Variants in SHISA6 observed in about 807,000 individuals in gnomAD.
The protein encoded by SHISA6 is protein shisa-6.
SHISA6 carries 22 observed loss-of-function variants against 47.9 expected under a neutral mutation model. That is an observed-to-expected ratio of 0.46 (90% CI 0.33 to 0.66). The LOEUF (loss-of-function observed/expected upper bound fraction) is 0.66. Among genes scored for constraint, SHISA6 ranks in the 30% least tolerant of loss-of-function variants. SHISA6 has a pLI of 0.02. For synonymous variants in SHISA6, 388 were observed against 337.8 expected (o/e 1.15, Z -1.63); for missense variants, 680 against 764.6 (o/e 0.89, Z 1.30).
chr17:11,259,783 C>A (rs1166123814), intron 1 of SHISA6, among the ~76,000 whole-genome samples: 1 of 152,194 alleles, frequency 6.6e-6, no homozygotes. Flanking sequence ...TTAGCTGACC[C>A]AGCTGGAGGG....
At chr17:11,466,984 G>A (rs1324383393) in intron 3 of SHISA6, among the ~76,000 whole-genome samples, 1 of 152,166 alleles carries the variant, frequency 6.6e-6, no homozygotes, top group Non-Finnish European at 1.5e-5. Context: ...CCTAAACTGA[G>A]TGCTGTGGCT....
intron 2 of SHISA6, among the ~76,000 whole-genome samples, chr17:11,300,656 T>G (rs540634389): frequency 4.9e-4 from 75 of 151,980 alleles, no homozygotes; most frequent in Non-Finnish European, 8.7e-4. Flanking sequence ...GTTTAGGACT[T>G]TTTTTTCTTT....
Position 11,472,254 on chromosome 17 carries a change from T to C in SHISA6, c.896-79642T>C, listed in dbSNP as rs1049075999. The stretch of plus-strand genomic sequence containing the variant: ...TTTAAGCTTCTTCCATGTCTTTTCA[T>C]AGCACAATCATAGCTTACCACGGCC... On this transcript the variant is annotated intron_variant, in intron 3 of 5. Coordinates refer to ENST00000441885, the MANE Select transcript of SHISA6 (RefSeq NM_207386.4). Among the ~76,000 whole-genome samples the C allele has an allele frequency of 4.6e-5, 7 of 152,314 alleles. No individual in the cohort carries two copies. In the South Asian group the frequency reaches 1.2e-3, roughly 27 times the overall value.
chr17:11,254,898 C>A (rs1414517606), intron 1 of SHISA6, among the ~76,000 whole-genome samples: 2 of 152,208 alleles, frequency 1.3e-5, no homozygotes. Context: ...GCTGTCCACC[C>A]AGAAATGGGG....
At chr17:11,528,212 T>A (rs554225880) in intron 3 of SHISA6, among the ~76,000 whole-genome samples, 1 of 152,142 alleles carries the variant, frequency 6.6e-6, no homozygotes, top group Non-Finnish European at 1.5e-5. Flanking sequence ...ATAAATTTTA[T>A]TATTAAAAAT....
intron 2 of SHISA6, among the ~76,000 whole-genome samples, chr17:11,319,089 TTTTC>T (rs1910622398): frequency 2.9e-5 from 4 of 139,298 alleles, no homozygotes; most frequent in African/African-American, 8.6e-5. Context: ...TTTTTTTTTT[TTTTC>T]CTTGAGATGG....
chr17:11,270,051 C>T (rs1197796649), intron 2 of SHISA6, among the ~76,000 whole-genome samples: 3 of 152,188 alleles, frequency 2.0e-5, no homozygotes, highest in Non-Finnish European at 4.4e-5. Flanking sequence ...TCTCAGCTCA[C>T]TGCAACCTCC....
At chr17:11,346,044 G>A (rs181200331) in intron 2 of SHISA6, among the ~76,000 whole-genome samples, 43 of 152,188 alleles carry the variant, frequency 2.8e-4, no homozygotes, top group Middle Eastern at 3.4e-3. Flanking sequence ...CTGGGAGAAA[G>A]CATTCAGTTT....
In SHISA6 at chr17:11,429,478, C is replaced by T. The variant is rs2908954; in HGVS notation, c.895+49969C>T. Reference sequence around the variant, plus strand: ...TCCATCTGTCCAATTGAACTTTTTACCCATTAAAATTCAAATATCCGGCCA... The same window carrying T: ...TCCATCTGTCCAATTGAACTTTTTATCCATTAAAATTCAAATATCCGGCCA... On this transcript the variant is annotated intron_variant, in intron 3 of 5. Coordinates refer to ENST00000441885, the MANE Select transcript of SHISA6 (RefSeq NM_207386.4). Among the ~76,000 whole-genome samples, 4 of 151,988 alleles carry T rather than the reference C, an allele frequency of 2.6e-5. No homozygotes were observed. The East Asian group carries it at 7.8e-4, about 29-fold the overall frequency.
At chr17:11,353,596 G>C (rs1412816199) in intron 2 of SHISA6, among the ~76,000 whole-genome samples, 3 of 152,074 alleles carry the variant, frequency 2.0e-5, no homozygotes, top group African/African-American at 4.8e-5. Flanking sequence ...ATTGAGCCCA[G>C]TGTGGCTCAC....
chr17:11,535,404 G>A (rs540262963), intron 3 of SHISA6, among the ~76,000 whole-genome samples: 1 of 152,320 alleles, frequency 6.6e-6, no homozygotes, highest in East Asian at 1.9e-4. Context: ...AGGAAAAGAA[G>A]GGCTACAATG....
chr17:11,422,653 G>A (rs1352753031), intron 3 of SHISA6, among the ~76,000 whole-genome samples: 2 of 151,794 alleles, frequency 1.3e-5, no homozygotes, highest in Admixed American at 1.3e-4. Context: ...TCCCAGCTAC[G>A]CAAGAGGCTA....
At chr17:11,248,078 G>C (rs1198139005) in intron 1 of SHISA6, among the ~76,000 whole-genome samples, 2 of 151,910 alleles carry the variant, frequency 1.3e-5, no homozygotes. Flanking sequence ...CTGGCCTCTA[G>C]TGTCTTTCTT....
At chr17:11,336,718 C>T (rs1417087225) in intron 2 of SHISA6, among the ~76,000 whole-genome samples, 5 of 152,234 alleles carry the variant, frequency 3.3e-5, no homozygotes, top group Admixed American at 6.5e-5. Flanking sequence ...TGAGAAACAT[C>T]GTGCAATTAA....
chr17:11,515,210 TACA>T (rs2071572625), intron 3 of SHISA6, among the ~76,000 whole-genome samples: 1 of 129,632 alleles, frequency 7.7e-6, no homozygotes, highest in African/African-American at 3.0e-5. Context: ...ACAACTGCAC[TACA>T]GTCTGGGTGA....
chr17:11,347,599 G>A (rs1201947406), intron 2 of SHISA6, among the ~76,000 whole-genome samples: 1 of 152,168 alleles, frequency 6.6e-6, no homozygotes, highest in African/African-American at 2.4e-5. Flanking sequence ...TAAGCAACTT[G>A]CCTAAGGTCA....
In SHISA6 at chr17:11,562,542, G is replaced by T. The variant is rs1312096342; in HGVS notation, c.*4238G>T. On this transcript the variant is annotated 3_prime_UTR_variant, in exon 6 of 6. Coordinates refer to ENST00000441885, the MANE Select transcript of SHISA6 (RefSeq NM_207386.4). ...TCAATATGAAGGACATGTCTTCCTG[G>T]GCTCTATATTTGATTTTGGAAGGCA... 3 of 152,014 alleles carry T rather than the reference G, an allele frequency of 2.0e-5. No homozygotes were observed. The highest frequency in any genetic ancestry group is 4.4e-5 in the Non-Finnish European group (3 of 68,020). 9.4% of individuals were successfully genotyped at this position (152,014 alleles called of 1,614,324 possible).
At chr17:11,376,034 C>T (rs1375676238) in intron 2 of SHISA6, among the ~76,000 whole-genome samples, 1 of 152,144 alleles carries the variant, frequency 6.6e-6, no homozygotes, top group Non-Finnish European at 1.5e-5. Flanking sequence ...GGCTTAACTT[C>T]TGTTCAGAGC....
chr17:11,314,822 G>A (rs577722447), intron 2 of SHISA6, among the ~76,000 whole-genome samples: 1 of 152,258 alleles, frequency 6.6e-6, no homozygotes, highest in South Asian at 2.1e-4. Context: ...CTACAGGGGT[G>A]AGCCACTGCA....
Sources: allele counts gnomAD v4.1 joint callset (sites outside exome capture counted in the v4.1 genomes callset), GRCh38; gene constraint gnomAD v4.1.1; transcripts MANE v1.5; gene names NCBI Gene and HGNC (gene_info 2026-07-23, HGNC 2026-07-21).